The following SCN11A variants were observed in gnomAD, a reference collection of about 807,000 sequenced individuals.
SCN11A encodes the protein sodium channel protein type 11 subunit alpha.
In SCN11A, 122 loss-of-function variants were observed where a neutral mutation model predicts 162.2. The ratio of observed to expected loss-of-function variants is 0.75; its 90% CI spans 0.65 to 0.87. SCN11A has a LOEUF of 0.87. SCN11A is among the 40% of genes least tolerant of loss of function. The pLI is 0.00. For synonymous variants in SCN11A, 758 were observed against 751.5 expected, an observed-to-expected ratio of 1.01 and a Z score of -0.14; for missense variants, 2,015 against 2,181.6, an observed-to-expected ratio of 0.92 and a Z score of 1.52.
chr3:39,007,836 A>T (rs1176118344), intron 2 of SCN11A, among the ~76,000 whole-genome samples: 1 of 152,234 alleles, frequency 6.6e-6, no homozygotes, highest in Non-Finnish European at 1.5e-5. Flanking sequence ...CCTGAGGAGA[A>T]GGTCATGGAA....
rs114860786 is a variant in SCN11A at position 38,922,698 on chromosome 3, G to T, written c.713-1443C>A. Among the ~76,000 whole-genome samples the T allele has an allele frequency of 3.2e-3, 485 of 151,660 alleles. 6 individuals carry two copies. Among genetic ancestry groups the T allele is most frequent in the African/African-American group, 0.011 (462 of 41,082 alleles). On this transcript the variant is annotated intron_variant, in intron 9 of 29. Coordinates refer to ENST00000302328, the MANE Select transcript of SCN11A (RefSeq NM_001349253.2). ...GGAGAAGGAGGAGGAGGAGGAGGAGGAGAAGAAGAGATAAATTGTATATAA... is the reference window on the plus strand; with the variant it reads ...GGAGAAGGAGGAGGAGGAGGAGGAGTAGAAGAAGAGATAAATTGTATATAA...
intron 4 of SCN11A, among the ~76,000 whole-genome samples, chr3:38,951,463 G>A (rs2066615193): frequency 6.6e-6 from 1 of 152,238 alleles, no homozygotes; most frequent in Admixed American, 6.5e-5. Flanking sequence ...TGCGGCCGGA[G>A]CCTCCCCGAC....
chr3:38,966,716 C>T (rs1054350271), intron 2 of SCN11A, among the ~76,000 whole-genome samples: 3 of 152,176 alleles, frequency 2.0e-5, no homozygotes, highest in Non-Finnish European at 2.9e-5. Context: ...TCTACCTAAC[C>T]GTATGTTTGT....
chr3:38,963,367 A>G (rs1409825420), intron 2 of SCN11A, among the ~76,000 whole-genome samples: 61 of 87,360 alleles, frequency 7.0e-4, no homozygotes, highest in African/African-American at 3.4e-3. Context: ...ATATATATAT[A>G]TATATATATA....
chr3:38,962,720 C>T (rs545828351), intron 2 of SCN11A, among the ~76,000 whole-genome samples: 8 of 151,926 alleles, frequency 5.3e-5, no homozygotes, highest in African/African-American at 1.4e-4. Context: ...TGGTGGTGGG[C>T]GCCTATAATC....
chr3:39,008,470 A>ACCC (rs2031037313), intron 2 of SCN11A, among the ~76,000 whole-genome samples: 1 of 152,208 alleles, frequency 6.6e-6, no homozygotes, highest in Non-Finnish European at 1.5e-5. Flanking sequence ...TTTTGGTGAA[A>ACCC]GGAGACACCC....
At chr3:38,849,228 C>T (rs1455170307) in intron 29 of SCN11A, 1 of 149,690 alleles carries the variant, frequency 6.7e-6, no homozygotes, top group East Asian at 1.9e-4. Context: ...AGAGGGCCTC[C>T]CCAGACATCT....
intron 2 of SCN11A, among the ~76,000 whole-genome samples, chr3:38,965,667 G>A (rs1239308950): frequency 1.3e-5 from 2 of 152,080 alleles, no homozygotes; most frequent in African/African-American, 2.4e-5. Flanking sequence ...CCCAATCTCT[G>A]AATTTCTGCT....
intron 2 of SCN11A, among the ~76,000 whole-genome samples, chr3:38,971,343 G>A (rs1048237206): frequency 1.3e-5 from 2 of 152,044 alleles, no homozygotes; most frequent in African/African-American, 4.8e-5. Flanking sequence ...ATTTCTTCTG[G>A]ATGGTTGGAC....
intron 7 of SCN11A, among the ~76,000 whole-genome samples, chr3:38,928,293 T>A (rs1480384327): frequency 1.3e-5 from 2 of 152,010 alleles, no homozygotes; most frequent in East Asian, 3.9e-4. Context: ...AAACACTGCA[T>A]GTTCTCACTC....
intron 4 of SCN11A, among the ~76,000 whole-genome samples, chr3:38,952,199 G>C (rs1044747309): frequency 6.6e-6 from 1 of 152,146 alleles, no homozygotes; most frequent in South Asian, 2.1e-4. Flanking sequence ...AAGTCAGTGA[G>C]ACCAAGAACC....
intron 19 of SCN11A, among the ~76,000 whole-genome samples, chr3:38,889,340 G>A (rs1000553315): frequency 8.6e-5 from 13 of 151,716 alleles, no homozygotes; most frequent in South Asian, 6.2e-4. Flanking sequence ...CAGGAGAATC[G>A]CTTGAACTCG....
chr3:39,049,611 C>T (rs1024643757), intron 1 of SCN11A, among the ~76,000 whole-genome samples: 5 of 152,196 alleles, frequency 3.3e-5, no homozygotes, highest in Admixed American at 2.0e-4. Flanking sequence ...GAACACCCAG[C>T]GGTGGCTTGG....
intron 4 of SCN11A, among the ~76,000 whole-genome samples, chr3:38,952,023 T>C (rs1420322238): frequency 1.3e-5 from 2 of 152,284 alleles, no homozygotes; most frequent in East Asian, 3.9e-4. Flanking sequence ...CTGCTTACTC[T>C]TTGGGTCCAC....
intron 9 of SCN11A, among the ~76,000 whole-genome samples, chr3:38,924,988 C>T (rs2066114575): frequency 6.6e-6 from 1 of 152,062 alleles, no homozygotes; most frequent in South Asian, 2.1e-4. Context: ...CCACCTCTCA[C>T]CTCAATGACA....
chr3:38,966,444 G>A (rs1225025644), intron 2 of SCN11A, among the ~76,000 whole-genome samples: 1 of 152,180 alleles, frequency 6.6e-6, no homozygotes, highest in African/African-American at 2.4e-5. Flanking sequence ...CAAGGTAAGA[G>A]GAGAGAGTAG....
intron 1 of SCN11A, among the ~76,000 whole-genome samples, 139 bp downstream of exon 1, chr3:39,051,722 G>C (rs114657551): frequency 2.6e-5 from 4 of 152,116 alleles, no homozygotes; most frequent in Non-Finnish European, 5.9e-5. Flanking sequence ...TGGGCCTCTC[G>C]GGGAGGGCGC....
chr3:39,031,039 A>T (rs189697011), intron 2 of SCN11A, among the ~76,000 whole-genome samples: 10 of 152,188 alleles, frequency 6.6e-5, no homozygotes, highest in Non-Finnish European at 1.3e-4. Flanking sequence ...AGCATTTTTG[A>T]AATGGAAAAT....
chr3:39,035,758 G>C (rs1447199552), intron 1 of SCN11A, among the ~76,000 whole-genome samples: 1 of 151,940 alleles, frequency 6.6e-6, no homozygotes, highest in African/African-American at 2.4e-5. Flanking sequence ...TCCTGCCTCA[G>C]CCTCCCGAGT....
Sources: allele counts gnomAD v4.1 joint callset (sites outside exome capture counted in the v4.1 genomes callset), GRCh38; gene constraint gnomAD v4.1.1; transcripts MANE v1.5; gene names NCBI Gene and HGNC (gene_info 2026-07-23, HGNC 2026-07-21).